Variants in KCNMB2 observed in about 807,000 individuals in gnomAD.
KCNMB2 encodes the protein potassium calcium-activated channel subfamily M regulatory beta subunit 2.
In KCNMB2, 9 loss-of-function variants were observed where a neutral mutation model predicts 24.5. That is an observed-to-expected ratio of 0.37 (90% CI 0.22 to 0.64). KCNMB2 has a LOEUF of 0.64. Among genes scored for constraint, KCNMB2 ranks in the 30% least tolerant of loss-of-function variants. The pLI, the probability that KCNMB2 is intolerant of heterozygous loss-of-function variation, is 0.63. For synonymous variants in KCNMB2, 109 were observed against 104.4 expected (o/e 1.04, Z -0.27); for missense variants, 226 against 284.3 (o/e 0.79, Z 1.47).
At chr3:178,537,009 A>G (rs1374654115) in intron 1 of KCNMB2, among the ~76,000 whole-genome samples, 1 of 152,192 alleles carries the variant, frequency 6.6e-6, no homozygotes, top group Non-Finnish European at 1.5e-5. Context: ...TTTGCCTCTT[A>G]CCTGTGGTGC....
chr3:178,811,826 C>T (rs560751977), intron 2 of KCNMB2, among the ~76,000 whole-genome samples: 1 of 152,308 alleles, frequency 6.6e-6, no homozygotes, highest in Admixed American at 6.5e-5. Context: ...CATTGCTCAA[C>T]AGCCTTGTTT....
chr3:178,698,492 G>C (rs1721964247), intron 1 of KCNMB2, among the ~76,000 whole-genome samples: 1 of 152,086 alleles, frequency 6.6e-6, no homozygotes. Context: ...ATTTTTACTG[G>C]TTATTTGTCT....
At chr3:178,702,008 A>G (rs530474630) in intron 1 of KCNMB2, among the ~76,000 whole-genome samples, 2 of 152,246 alleles carry the variant, frequency 1.3e-5, no homozygotes, top group East Asian at 3.9e-4. Context: ...CACTACTCAC[A>G]ATAGCAAAGA....
chr3:178,802,979 C>T (rs376775971), intron 1 of KCNMB2, among the ~76,000 whole-genome samples: 16 of 151,884 alleles, frequency 1.1e-4, no homozygotes, highest in African/African-American at 3.9e-4. Flanking sequence ...AGTTTAATAA[C>T]GGGGTGAAAA....
At chr3:178,587,569 A>G (rs1438344449) in intron 1 of KCNMB2, among the ~76,000 whole-genome samples, 1 of 149,534 alleles carries the variant, frequency 6.7e-6, no homozygotes, top group Non-Finnish European at 1.5e-5. Context: ...CATTACAGGC[A>G]TGTGCCGCCA....
intron 1 of KCNMB2, among the ~76,000 whole-genome samples, chr3:178,680,034 G>A (rs1721211856): frequency 6.6e-6 from 1 of 152,012 alleles, no homozygotes; most frequent in African/African-American, 2.4e-5. Flanking sequence ...GGAAGAATCG[G>A]CCCCAGACTC....
chr3:178,702,698 T>C (rs1361217045), intron 1 of KCNMB2, among the ~76,000 whole-genome samples: 7 of 152,168 alleles, frequency 4.6e-5, no homozygotes. Context: ...TCTACACAAA[T>C]ATCAGTGCTA....
intron 1 of KCNMB2, among the ~76,000 whole-genome samples, chr3:178,597,288 G>T (rs1380498582): frequency 1.3e-5 from 2 of 152,108 alleles, no homozygotes; most frequent in Non-Finnish European, 2.9e-5. Flanking sequence ...TGATTGTGAT[G>T]TTAATAGGTA....
intron 1 of KCNMB2, among the ~76,000 whole-genome samples, chr3:178,790,647 G>A (rs559112281): frequency 1.3e-5 from 2 of 152,290 alleles, no homozygotes; most frequent in Admixed American, 6.5e-5. Flanking sequence ...GTGCACCTTG[G>A]GTAAGAAATA....
chr3:178,644,742 T>C (rs1719854352), intron 1 of KCNMB2, among the ~76,000 whole-genome samples: 1 of 152,184 alleles, frequency 6.6e-6, no homozygotes, highest in South Asian at 2.1e-4. Context: ...CAGGCAAACA[T>C]GGTGTTACAG....
chr3:178,578,155 G>C (rs1422821905), intron 1 of KCNMB2, among the ~76,000 whole-genome samples: 1 of 152,178 alleles, frequency 6.6e-6, no homozygotes, highest in Non-Finnish European at 1.5e-5. Context: ...ACAAAGAGAA[G>C]CCCATCAAAC....
chr3:178,680,394 T>C (rs1191850369), intron 1 of KCNMB2, among the ~76,000 whole-genome samples: 3 of 152,218 alleles, frequency 2.0e-5, no homozygotes, highest in African/African-American at 4.8e-5. Flanking sequence ...CTGTGCTATC[T>C]GGAGGCTGGT....
At chr3:178,677,562 C>G (rs975972104) in intron 1 of KCNMB2, among the ~76,000 whole-genome samples, 6 of 152,200 alleles carry the variant, frequency 3.9e-5, no homozygotes, top group African/African-American at 1.4e-4. Flanking sequence ...GTCTTCCCAC[C>G]AGGAACATGT....
At chr3:178,644,922 A>C (rs1719863701) in intron 1 of KCNMB2, among the ~76,000 whole-genome samples, 1 of 152,212 alleles carries the variant, frequency 6.6e-6, no homozygotes, top group South Asian at 2.1e-4. Context: ...AATTGAGTTA[A>C]ATGAAGACAT....
intron 1 of KCNMB2, among the ~76,000 whole-genome samples, chr3:178,655,109 T>TCC (rs1224115241): frequency 1.2e-4 from 18 of 146,682 alleles, no homozygotes; most frequent in African/African-American, 4.7e-4. Context: ...TCTCTCTCTC[T>TCC]CTCTCTCTCT....
intron 1 of KCNMB2, among the ~76,000 whole-genome samples, chr3:178,754,195 C>CATATATATATAT (rs144108176): frequency 3.6e-5 from 5 of 137,470 alleles, no homozygotes; most frequent in African/African-American, 8.3e-5. Flanking sequence ...CACACACATA[C>CATATATATATAT]ATATATATAT....
intron 1 of KCNMB2, among the ~76,000 whole-genome samples, chr3:178,724,757 C>T (rs1026543378): frequency 3.3e-5 from 5 of 151,988 alleles, no homozygotes; most frequent in South Asian, 4.1e-4. Context: ...TATTGAATAG[C>T]GTACCTTTTC....
chr3:178,625,843 C>T (rs1367105349), intron 1 of KCNMB2, among the ~76,000 whole-genome samples: 1 of 152,194 alleles, frequency 6.6e-6, no homozygotes, highest in Non-Finnish European at 1.5e-5. Context: ...GTCACGTGTT[C>T]GTGTTCTTCC....
At chr3:178,771,814 C>G (rs1712379708) in intron 1 of KCNMB2, among the ~76,000 whole-genome samples, 1 of 152,172 alleles carries the variant, frequency 6.6e-6, no homozygotes, top group Non-Finnish European at 1.5e-5. Flanking sequence ...TCCCTTACCC[C>G]TGATCTCATG....
Sources: allele counts gnomAD v4.1 joint callset (sites outside exome capture counted in the v4.1 genomes callset), GRCh38; gene constraint gnomAD v4.1.1; transcripts MANE v1.5; gene names NCBI Gene and HGNC (gene_info 2026-07-23, HGNC 2026-07-21).